The following ZFHX3 variants were observed in gnomAD, a reference collection of about 807,000 sequenced individuals.
ZFHX3 encodes zinc finger homeobox 3.
A neutral mutation model predicts 279.1 loss-of-function variants in ZFHX3; 42 were observed. The observed-to-expected ratio is 0.15, with a 90% confidence interval of 0.12 to 0.19. ZFHX3 has a LOEUF of 0.19. Ranked by LOEUF, ZFHX3 falls within the 10% of genes least tolerant of loss-of-function variation. The probability of loss-of-function intolerance (pLI) is 1.00; values close to 1 mark genes in which losing one functional copy is unlikely to be tolerated. For synonymous variants in ZFHX3, 2,293 were observed against 1,957.8 expected (o/e 1.17, Z -4.52); for missense variants, 4,981 against 4,754.0 (o/e 1.05, Z -1.40).
chr16:72,994,955 A>T (rs1397002369), intron 1 of ZFHX3, among the ~76,000 whole-genome samples: 1 of 152,150 alleles, frequency 6.6e-6, no homozygotes, highest in Non-Finnish European at 1.5e-5. Context: ...AAGTTAAATG[A>T]AGGGTTAAGG....
intron 2 of ZFHX3, among the ~76,000 whole-genome samples, chr16:73,588,280 C>A (rs1404869984): frequency 6.6e-6 from 1 of 151,922 alleles, no homozygotes; most frequent in Non-Finnish European, 1.5e-5. Flanking sequence ...GAAATGATAC[C>A]ACTTTAAATG....
Position 73,143,223 on chromosome 16 carries a change from C to A in ZFHX3, c.-1024+529G>T, listed in dbSNP as rs528804436. Among the ~76,000 whole-genome samples, 374 of 152,014 alleles carry A rather than the reference C, an allele frequency of 2.5e-3. 2 individuals carry two copies. The highest frequency in any genetic ancestry group is 8.4e-3 in the African/African-American group (348 of 41,468). The stretch of plus-strand genomic sequence containing the variant: ...CGGAGGTTAGAAATAGCTCTCATAG[C>A]CTATTTTTAAGGAAAGCATGACGTT... On this transcript the variant is annotated intron_variant, in intron 6 of 17. Coordinates refer to the ZFHX3 transcript ENST00000641206.
intron 7 of ZFHX3, among the ~76,000 whole-genome samples, chr16:73,107,936 C>T (rs1022711645): frequency 7.2e-5 from 11 of 152,102 alleles, no homozygotes; most frequent in South Asian, 6.2e-4. Flanking sequence ...CTGAGGCGGG[C>T]GGATCACGAG....
chr16:73,732,857 G>A (rs2053579926), intron 1 of ZFHX3, among the ~76,000 whole-genome samples: 1 of 152,178 alleles, frequency 6.6e-6, no homozygotes, highest in South Asian at 2.1e-4. Flanking sequence ...GGTTTCTTGT[G>A]TCATGATCCA....
rs760151017 is a variant in ZFHX3, at chr16:72,950,706, G to C, written c.2979C>G (p.Thr993=). The C allele has an allele frequency of 1.2e-6, 2 of 1,614,096 alleles. No homozygotes were observed. ...GCAGCTGGAAGTTGGCCTTGAGCTG[G>C]GTGTTGTAGCGGCAGAGCTTGCACT... is the stretch of plus-strand genomic sequence containing the variant. ...SYQCKLCRYN[T]QLKANFQLHC... is the part of the protein sequence containing the mutation. Residue 993 remains threonine (T), a synonymous_variant, in exon 3 of 10, where the codon ACC becomes ACG. Coordinates refer to ENST00000268489, the MANE Select transcript of ZFHX3 (RefSeq NM_006885.4).
Position 72,797,024 on chromosome 16 carries a change from T to C in ZFHX3, c.5658A>G (p.Glu1886=). The part of the protein sequence containing the change: ...KKNKLVIKEK[E]KESQRERDSA... The stretch of plus-strand genomic sequence containing the variant: ...TGTCCCTCTCTCTCTGGCTTTCTTT[T>C]TCCTTTTCTTTGATGACCAATTTGT... Residue 1886 remains glutamate, a synonymous_variant, in exon 9 of 10, where the codon GAA becomes GAG. Transcript: ENST00000268489. 1 of 1,614,112 alleles carries C rather than the reference T, an allele frequency of 6.2e-7. No homozygotes were observed. The highest frequency in any genetic ancestry group is 8.5e-7 in the Non-Finnish European group (1 of 1,180,034).
rs149302917 is a variant in ZFHX3 at position 73,087,921 on chromosome 16, C to T, written c.-533+5314G>A. ...TGGCTCACTGCAACCTCCAGCTTCC[C>T]GGGTTCAAATGATTCTCCTGCCTCA... On this transcript the variant is annotated intron_variant, in intron 8 of 17. Transcript: ENST00000641206. Among the ~76,000 whole-genome samples the T allele has an allele frequency of 9.9e-4, 150 of 151,868 alleles. No individual in the cohort carries two copies. The East Asian group carries it at 0.027, about 28-fold the overall frequency.
chr16:73,868,353 C>T (rs1962081151), intron 1 of ZFHX3, among the ~76,000 whole-genome samples: 1 of 152,146 alleles, frequency 6.6e-6, no homozygotes, highest in African/African-American at 2.4e-5. Context: ...AAAACCCTGT[C>T]TCTACCAAAA....
intron 3 of ZFHX3, among the ~76,000 whole-genome samples, chr16:73,407,844 C>T (rs1047398071): frequency 4.6e-5 from 7 of 152,210 alleles, no homozygotes; most frequent in South Asian, 2.1e-4. Context: ...CCTGGGGAAT[C>T]GTGCAAATGG....
chr16:73,426,270 A>C (rs2017808839), intron 3 of ZFHX3, among the ~76,000 whole-genome samples: 1 of 152,216 alleles, frequency 6.6e-6, no homozygotes, highest in South Asian at 2.1e-4. Flanking sequence ...GGAGTCAGGG[A>C]GGACAAAGCT....
At chr16:72,923,929 T>C (rs1390858561) in intron 3 of ZFHX3, among the ~76,000 whole-genome samples, 3 of 152,218 alleles carry the variant, frequency 2.0e-5, no homozygotes, top group Non-Finnish European at 4.4e-5. Context: ...AATGCCTGGT[T>C]CACAACACGA....
At chr16:73,585,458 G>A (rs1268599935) in intron 2 of ZFHX3, among the ~76,000 whole-genome samples, 1 of 152,114 alleles carries the variant, frequency 6.6e-6, no homozygotes, top group African/African-American at 2.4e-5. Context: ...GGGAGGTGGG[G>A]GCAGGGAGAG....
chr16:73,073,001 A>G (rs1337155515), intron 8 of ZFHX3, among the ~76,000 whole-genome samples: 1 of 151,618 alleles, frequency 6.6e-6, no homozygotes, highest in Non-Finnish European at 1.5e-5. Flanking sequence ...GGTTTAAGCG[A>G]TTCTCCTGCC....
intron 4 of ZFHX3, among the ~76,000 whole-genome samples, chr16:73,297,586 G>T (rs541371703): frequency 5.3e-5 from 8 of 152,100 alleles, no homozygotes; most frequent in African/African-American, 1.9e-4. Flanking sequence ...TCCACAACCT[G>T]CTTGCTTTAG....
intron 5 of ZFHX3, among the ~76,000 whole-genome samples, chr16:73,149,012 T>C (rs938242014): frequency 1.5e-5 from 2 of 137,384 alleles, no homozygotes; most frequent in Non-Finnish European, 3.3e-5. Flanking sequence ...TGAGATTATA[T>C]ATATATTTTA....
At chr16:73,050,772 A>G (rs79727338), upstream of ZFHX3, among the ~76,000 whole-genome samples, 4 of 151,724 alleles carry the variant, frequency 2.6e-5, no homozygotes, top group East Asian at 5.8e-4. Context: ...AAATAAACCC[A>G]CTCTCAGAAA....
intron 7 of ZFHX3, among the ~76,000 whole-genome samples, chr16:73,096,660 C>A (rs1457789730): frequency 2.6e-5 from 4 of 151,954 alleles, no homozygotes; most frequent in African/African-American, 9.7e-5. Context: ...CTGCCTCAGC[C>A]TCCCCAAATG....
chr16:72,846,147 G>A (rs1453986048), intron 4 of ZFHX3, among the ~76,000 whole-genome samples: 1 of 152,236 alleles, frequency 6.6e-6, no homozygotes, highest in Non-Finnish European at 1.5e-5. Flanking sequence ...GTAAAACACA[G>A]TAAGCAGCTC....
chr16:73,538,938 C>G (rs570718084), intron 2 of ZFHX3, among the ~76,000 whole-genome samples: 1 of 152,126 alleles, frequency 6.6e-6, no homozygotes, highest in Non-Finnish European at 1.5e-5. Context: ...AATCCAAAGT[C>G]TCTGAGATAC....
Sources: gnomAD v4.1 joint callset for allele counts (sites outside exome capture counted in the v4.1 genomes callset) on GRCh38, gnomAD v4.1.1 for gene constraint, MANE v1.5 for transcripts, NCBI Gene and HGNC (gene_info 2026-07-23, HGNC 2026-07-21) for gene names.